GLIS1: variants seen among roughly 807,000 people sequenced by gnomAD.
GLIS1 encodes the protein GLIS family zinc finger 1, also known as zinc finger protein GLIS1.
GLIS1 carries 24 observed loss-of-function variants against 63.8 expected under a neutral mutation model. That is an observed-to-expected ratio of 0.38 (90% CI 0.27 to 0.53). The LOEUF (loss-of-function observed/expected upper bound fraction) is 0.53. Ranked by LOEUF, GLIS1 falls within the 20% of genes least tolerant of loss-of-function variation. The probability of loss-of-function intolerance (pLI) is 0.85; values close to 1 mark genes in which losing one functional copy is unlikely to be tolerated. For missense variants in GLIS1, 1,036 were observed against 1,074.1 expected, an observed-to-expected ratio of 0.96 and a Z score of 0.50; for synonymous variants, 450 against 482.5, an observed-to-expected ratio of 0.93 and a Z score of 0.88.
intron 4 of GLIS1, among the ~76,000 whole-genome samples, chr1:53,569,611 C>T (rs1454043745): frequency 5.9e-5 from 9 of 151,846 alleles, no homozygotes; most frequent in Middle Eastern, 6.8e-3. Flanking sequence ...ATCATTATTT[C>T]TGAAAAAGAT....
At chr1:53,520,792 G>A (rs764445815) in intron 6 of GLIS1, 26 bp from the exon 7 acceptor site, 3 of 1,585,852 alleles carry the variant, frequency 1.9e-6, no homozygotes, top group East Asian at 2.3e-5. Flanking sequence ...AGGGAAAGGA[G>A]GTGTTAGTGT....
chr1:53,730,671 C>T (rs1006849023), intron 2 of GLIS1, among the ~76,000 whole-genome samples: 1 of 152,126 alleles, frequency 6.6e-6, no homozygotes. Context: ...CACAGCGGCA[C>T]GTAGGAAGGC....
chr1:53,509,376 C>T (rs902179202), intron 9 of GLIS1, 89 bp from the exon 10 acceptor site: 12 of 1,299,976 alleles, frequency 9.2e-6, no homozygotes, highest in South Asian at 2.9e-5. Context: ...CTCCACCTCC[C>T]GTGTTGTCCT....
chr1:53,704,205 G>A (rs1372463651), intron 2 of GLIS1, among the ~76,000 whole-genome samples: 1 of 152,132 alleles, frequency 6.6e-6, no homozygotes, highest in Non-Finnish European at 1.5e-5. Context: ...CAGAAATTGG[G>A]GTGCTCTCCC....
intron 4 of GLIS1, among the ~76,000 whole-genome samples, chr1:53,579,165 G>A (rs576595012): frequency 9.9e-5 from 15 of 152,066 alleles, no homozygotes; most frequent in Non-Finnish European, 2.2e-4. Context: ...TGTTTCTCAT[G>A]GAGGAAAGGG....
intron 4 of GLIS1, among the ~76,000 whole-genome samples, chr1:53,579,764 TG>T (rs1460633911): frequency 1.3e-5 from 2 of 152,106 alleles, no homozygotes; most frequent in Admixed American, 6.5e-5. Context: ...CCCCAGGGTG[TG>T]GCAACGGGCT....
At chr1:53,663,621 T>C (rs1376631325) in intron 2 of GLIS1, among the ~76,000 whole-genome samples, 1 of 152,168 alleles carries the variant, frequency 6.6e-6, no homozygotes, top group Admixed American at 6.5e-5. Flanking sequence ...CCCTCACCTG[T>C]CCTGTGGAGT....
intron 2 of GLIS1, among the ~76,000 whole-genome samples, chr1:53,703,714 C>T (rs1646548226): frequency 6.6e-6 from 1 of 151,748 alleles, no homozygotes; most frequent in Non-Finnish European, 1.5e-5. Context: ...AGCCCTTGAC[C>T]TAAAGAGACC....
intron 4 of GLIS1, 142 bp downstream of exon 4, chr1:53,593,966 G>T: frequency 9.8e-7 from 1 of 1,018,496 alleles, no homozygotes; most frequent in Non-Finnish European, 1.4e-6. Flanking sequence ...CACATCCACA[G>T]CATGGGTCCT....
chr1:53,670,363 G>A (rs944702268), intron 2 of GLIS1, among the ~76,000 whole-genome samples: 25 of 152,262 alleles, frequency 1.6e-4, no homozygotes, highest in Non-Finnish European at 2.4e-4. Context: ...CTGATGCCCC[G>A]CTTTTCTAAG....
intron 6 of GLIS1, among the ~76,000 whole-genome samples, chr1:53,524,244 C>T (rs888185888): frequency 7.9e-5 from 12 of 152,236 alleles, no homozygotes; most frequent in African/African-American, 2.4e-4. Flanking sequence ...CGCTCACACC[C>T]CTAAACACTG....
chr1:53,641,310 T>C (rs1385575214), intron 2 of GLIS1, among the ~76,000 whole-genome samples: 2 of 152,052 alleles, frequency 1.3e-5, no homozygotes, highest in Admixed American at 6.6e-5. Context: ...CCTCATAGGG[T>C]TGTCCTAGAG....
intron 4 of GLIS1, among the ~76,000 whole-genome samples, chr1:53,582,443 G>T (rs779711841): frequency 1.3e-5 from 2 of 152,204 alleles, no homozygotes; most frequent in Non-Finnish European, 2.9e-5. Flanking sequence ...GACACGTGTG[G>T]TCTACATGCA....
chr1:53,734,072 T>C, intron 2 of GLIS1: 1 of 985,342 alleles, frequency 1.0e-6, no homozygotes, highest in Non-Finnish European at 1.2e-6. Context: ...TTTTTTTTTT[T>C]TTTCAAGTTA....
chr1:53,525,231 G>A (rs74086348), intron 5 of GLIS1, among the ~76,000 whole-genome samples: 1 of 151,776 alleles, frequency 6.6e-6, no homozygotes. Context: ...CCCCACAGCT[G>A]CAAGTAAGCA....
intron 2 of GLIS1, among the ~76,000 whole-genome samples, chr1:53,715,548 G>T (rs1240786116): frequency 6.6e-6 from 1 of 152,142 alleles, no homozygotes; most frequent in African/African-American, 2.4e-5. Context: ...CCGGCTGCTG[G>T]GTACAGAACA....
At chr1:53,611,797 A>C (rs2950258) in intron 2 of GLIS1, among the ~76,000 whole-genome samples, 1 of 152,072 alleles carries the variant, frequency 6.6e-6, no homozygotes, top group Admixed American at 6.5e-5. Flanking sequence ...TGAAGCTGTT[A>C]AAAGCTCTGC....
intron 2 of GLIS1, among the ~76,000 whole-genome samples, chr1:53,671,388 T>A (rs554386910): frequency 6.6e-6 from 1 of 152,354 alleles, no homozygotes; most frequent in East Asian, 1.9e-4. Flanking sequence ...AGAAAGGCCA[T>A]GTCCACCAGG....
In GLIS1 at chr1:53,645,574, C is replaced by T. The variant is rs547158194; in HGVS notation, c.260-45296G>A. Among the ~76,000 whole-genome samples, 25 of 152,240 alleles carry T rather than the reference C, an allele frequency of 1.6e-4. No homozygotes were observed. In the South Asian group the frequency reaches 4.1e-3, roughly 25 times the overall value. ...GCAGGCCAGGGTGATAGGGGATGGC[C>T]GAGGGGATGGCCTGCCCAACAGCAA... On this transcript the variant is annotated intron_variant, in intron 2 of 10. Transcript: ENST00000628545.
Sources: allele counts gnomAD v4.1 joint callset (sites outside exome capture counted in the v4.1 genomes callset), GRCh38; gene constraint gnomAD v4.1.1; transcripts MANE v1.5; gene names NCBI Gene and HGNC (gene_info 2026-07-23, HGNC 2026-07-21).